Variants in ECPAS observed in about 807,000 individuals in gnomAD.
ECPAS encodes proteasome adapter and scaffold protein ECM29.
ECPAS carries 70 observed loss-of-function variants against 255.1 expected under a neutral mutation model. The observed-to-expected ratio is 0.27, with a 90% CI of 0.23 to 0.33. The LOEUF (loss-of-function observed/expected upper bound fraction) is 0.33. Among genes scored for constraint, ECPAS ranks in the 10% least tolerant of loss-of-function variants. The probability of loss-of-function intolerance (pLI) is 1.00; values close to 1 mark genes in which losing one functional copy is unlikely to be tolerated. For synonymous variants in ECPAS, 784 were observed against 775.0 expected (o/e 1.01, Z -0.19); for missense variants, 1,817 against 2,206.4 (o/e 0.82, Z 3.54).
intron 38 of ECPAS, among the ~76,000 whole-genome samples, chr9:111,374,619 G>A (rs1176484782): frequency 1.3e-5 from 2 of 152,104 alleles, no homozygotes; most frequent in African/African-American, 4.8e-5. Flanking sequence ...ATCTATAAAT[G>A]CTAAAATTTT....
intron 24 of ECPAS, among the ~76,000 whole-genome samples, chr9:111,402,636 T>C (rs1194017159): frequency 1.3e-5 from 2 of 152,098 alleles, no homozygotes; most frequent in African/African-American, 4.8e-5. Flanking sequence ...ACTGGCAATA[T>C]AAAAAGATAC....
At chr9:111,476,574 AT>A (rs58723893) in intron 1 of ECPAS, among the ~76,000 whole-genome samples, 17,182 of 106,328 alleles carry the variant, frequency 0.16, 562 homozygotes, top group East Asian at 0.26. Context: ...TAACATCAGA[AT>A]TTTTTTTTTT....
At chr9:111,470,863 T>A (rs951700569) in intron 2 of ECPAS, among the ~76,000 whole-genome samples, 1 of 151,242 alleles carries the variant, frequency 6.6e-6, no homozygotes, top group Non-Finnish European at 1.5e-5. Flanking sequence ...CTAGATTTAA[T>A]GAGTAAGTGC....
At chr9:111,480,300 T>C (rs534238755) in intron 1 of ECPAS, among the ~76,000 whole-genome samples, 1 of 142,920 alleles carries the variant, frequency 7.0e-6, no homozygotes, top group South Asian at 2.3e-4. Flanking sequence ...TTCTTTTTTT[T>C]TTTTTTTTTT....
At chr9:111,401,263 TAGAA>T (rs1444781644) in intron 24 of ECPAS, among the ~76,000 whole-genome samples, 3 of 151,956 alleles carry the variant, frequency 2.0e-5, no homozygotes, top group East Asian at 1.9e-4. Context: ...GTCTGAGAAA[TAGAA>T]AGAGTAAAAA....
At chr9:111,432,861 A>C (rs1449428251) in intron 8 of ECPAS, among the ~76,000 whole-genome samples, 1 of 152,222 alleles carries the variant, frequency 6.6e-6, no homozygotes, top group Non-Finnish European at 1.5e-5. Context: ...ATTAACCATA[A>C]TACATACATA....
intron 49 of ECPAS, 112 bp downstream of exon 49, chr9:111,363,475 AT>A (rs1436611391): frequency 1.6e-6 from 1 of 614,954 alleles, no homozygotes; most frequent in African/African-American, 1.9e-5. Context: ...ATACATACTG[AT>A]TTGTATTTCA....
At chr9:111,417,758 AG>A in intron 17 of ECPAS, 124 bp downstream of exon 17, 1 of 973,864 alleles carries the variant, frequency 1.0e-6, no homozygotes, top group Non-Finnish European at 1.4e-6. Context: ...AAAAAAAAAA[AG>A]AAAAGAAAAG....
At chr9:111,375,259 C>A (rs1428042219) in intron 37 of ECPAS, 57 bp from the exon 38 acceptor site, 2 of 1,364,712 alleles carry the variant, frequency 1.5e-6, no homozygotes, top group Non-Finnish European at 2.1e-6. Flanking sequence ...AGGACCACAT[C>A]TTCAATTAAA....
intron 34 of ECPAS, among the ~76,000 whole-genome samples, chr9:111,383,946 A>G (rs2098143789): frequency 7.2e-6 from 1 of 139,074 alleles, no homozygotes; most frequent in Non-Finnish European, 1.6e-5. Flanking sequence ...ATAAAAAATT[A>G]AATAAAGAAG....
At chr9:111,451,754 A>G (rs556728226) in intron 2 of ECPAS, among the ~76,000 whole-genome samples, 199 bp from the exon 3 acceptor site, 1 of 152,354 alleles carries the variant, frequency 6.6e-6, no homozygotes, top group East Asian at 1.9e-4. Context: ...TCTACCCTTT[A>G]GAATGGAAGA....
intron 38 of ECPAS, 38 bp downstream of exon 38, chr9:111,375,075 T>C (rs370789683): frequency 2.8e-6 from 4 of 1,441,070 alleles, no homozygotes; most frequent in East Asian, 2.3e-5. Flanking sequence ...CCAGAACTAA[T>C]GAAGATGCAC....
chr9:111,482,176 G>A (rs1185846563), intron 1 of ECPAS, among the ~76,000 whole-genome samples: 1 of 152,182 alleles, frequency 6.6e-6, no homozygotes, highest in Non-Finnish European at 1.5e-5. Context: ...GCTTCCACGT[G>A]GAACCGACAG....
chr9:111,483,603 G>A, intron 1 of ECPAS: 1 of 435,194 alleles, frequency 2.3e-6, no homozygotes, highest in Non-Finnish European at 3.0e-6. Context: ...CGGGGGGCTC[G>A]CGGCTCGCGG....
chr9:111,460,611 A>C (rs988134578), intron 2 of ECPAS, among the ~76,000 whole-genome samples: 3 of 152,202 alleles, frequency 2.0e-5, no homozygotes, highest in African/African-American at 7.2e-5. Context: ...TAATAGAATA[A>C]CAAAATACAC....
chr9:111,370,611 A>G lies in ECPAS; in HGVS notation c.4798T>C (p.Ser1600Pro). 1 of 1,610,822 alleles carries G rather than the reference A, an allele frequency of 6.2e-7. No homozygotes were observed. Among genetic ancestry groups the G allele is most frequent in the Non-Finnish European group, 8.5e-7 (1 of 1,178,396 alleles). ...VTACSAELEK[S>P]VPNQPSTNEI... ...TTTGTGCTGGGTTGATTGGGCACAG[A>G]CTTTTCCAGCTCTGCACTACAGGGT... Residue 1600 changes from serine to proline, a missense_variant, in exon 45 of 50, where the codon TCT becomes CCT. Around this residue, in one of 4 missense-constraint regions of ECPAS, gnomAD observed 960 missense variants for 1,179.0 expected, o/e 0.81. Transcript: ENST00000684092.
chr9:111,392,906 G>GT (rs2098162324), intron 27 of ECPAS, 24 bp from the exon 28 acceptor site: 2 of 1,543,852 alleles, frequency 1.3e-6, no homozygotes, highest in East Asian at 2.3e-5. Context: ...AGACAAGATT[G>GT]TATCACTTTA....
chr9:111,418,056 A>G, intron 16 of ECPAS, 50 bp from the exon 17 acceptor site: 1 of 1,501,262 alleles, frequency 6.7e-7, no homozygotes, highest in Non-Finnish European at 8.9e-7. Context: ...ACCAATGGGA[A>G]ATGATCATTT....
At chr9:111,373,707 G>C (rs566045182) in intron 39 of ECPAS, among the ~76,000 whole-genome samples, 15 of 152,136 alleles carry the variant, frequency 9.9e-5, no homozygotes, top group Non-Finnish European at 1.9e-4. Context: ...GCTATCAATG[G>C]TAAGTCCTGT....
Sources: allele counts gnomAD v4.1 joint callset (sites outside exome capture counted in the v4.1 genomes callset), GRCh38; gene constraint gnomAD v4.1.1; regional missense constraint gnomAD v4.1.1; transcripts MANE v1.5; gene names NCBI Gene and HGNC (gene_info 2026-07-23, HGNC 2026-07-21).